Variants in MB21D2 observed in about 807,000 individuals in gnomAD.
The protein encoded by MB21D2 is Mab-21 domain containing 2.
Under a neutral mutation model 33.3 loss-of-function variants are expected in MB21D2, and 9 were observed. The ratio of observed to expected loss-of-function variants is 0.27; its 90% confidence interval spans 0.16 to 0.47. MB21D2 has a LOEUF of 0.47. Ranked by LOEUF, MB21D2 falls within the 20% of genes least tolerant of loss-of-function variation. The pLI, the probability that MB21D2 is intolerant of heterozygous loss-of-function variation, is 0.99. For missense variants in MB21D2, 540 were observed against 624.6 expected, an observed-to-expected ratio of 0.86 and a Z score of 1.44; for synonymous variants, 241 against 236.3, an observed-to-expected ratio of 1.02 and a Z score of -0.18.
intron 1 of MB21D2, among the ~76,000 whole-genome samples, chr3:192,886,815 A>G (rs543147747): frequency 1.8e-4 from 28 of 152,244 alleles, no homozygotes; most frequent in African/African-American, 6.3e-4. Context: ...CTTTTTACCT[A>G]AAATAACGAA....
At chr3:192,860,864 T>G (rs569897488) in intron 1 of MB21D2, among the ~76,000 whole-genome samples, 1 of 152,258 alleles carries the variant, frequency 6.6e-6, no homozygotes, top group African/African-American at 2.4e-5. Context: ...ATACCAATTC[T>G]GTGTATTTAC....
chr3:192,798,410 G>A lies in MB21D2; in HGVS notation c.1452C>T (p.Phe484=). 1 of 1,614,046 alleles carries A rather than the reference G, an allele frequency of 6.2e-7. No homozygotes were observed. The highest frequency in any genetic ancestry group is 8.5e-7 in the Non-Finnish European group (1 of 1,179,908). Residue 484 remains phenylalanine (F), a synonymous_variant, in exon 2 of 2, where the codon TTC becomes TTT. Transcript: ENST00000392452. The surrounding 1 kb of genome is among the most constrained non-coding windows in gnomAD (Gnocchi z 4.8). ...CTCAGAAAAATTTGTCATCAATTCT[G>A]AAATGGGGCCTTGTGACATCGTCAG... ...INPDDVTRPH[F]RIDDKFF
At chr3:192,813,623 T>C (rs1222546117) in intron 1 of MB21D2, among the ~76,000 whole-genome samples, 2 of 152,172 alleles carry the variant, frequency 1.3e-5, no homozygotes, top group African/African-American at 4.8e-5. Context: ...TCTAGAATTC[T>C]CATTGTAGGG....
intron 1 of MB21D2, among the ~76,000 whole-genome samples, chr3:192,826,459 C>G (rs921472439): frequency 6.6e-6 from 1 of 152,182 alleles, no homozygotes; most frequent in East Asian, 1.9e-4. Flanking sequence ...TGCCAGTTGT[C>G]TTGGGCTATT....
chr3:192,845,790 G>T (rs1209999341), intron 1 of MB21D2, among the ~76,000 whole-genome samples: 1 of 152,194 alleles, frequency 6.6e-6, no homozygotes, highest in African/African-American at 2.4e-5. Flanking sequence ...AGGGGCCAGT[G>T]GCTGGGGGCC....
At chr3:192,806,030 G>T (rs1197786612) in intron 1 of MB21D2, among the ~76,000 whole-genome samples, 1 of 152,254 alleles carries the variant, frequency 6.6e-6, no homozygotes, top group East Asian at 1.9e-4. Context: ...CAAGACTGCT[G>T]CTAGTCAAGG....
chr3:192,865,263 G>A (rs1178943642), intron 1 of MB21D2, among the ~76,000 whole-genome samples: 1 of 152,230 alleles, frequency 6.6e-6, no homozygotes, highest in Non-Finnish European at 1.5e-5. Flanking sequence ...GAGCTGATCA[G>A]CATGAATGAG....
At chr3:192,904,058 C>G (rs1376290392) in intron 1 of MB21D2, among the ~76,000 whole-genome samples, 1 of 152,190 alleles carries the variant, frequency 6.6e-6, no homozygotes, top group East Asian at 1.9e-4. Flanking sequence ...TTACAAGTAC[C>G]TTCCTCATAG....
In MB21D2 at chr3:192,880,838, T is replaced by C. The variant is rs193054083; in HGVS notation, c.211+36792A>G. ...AGTTATGTTACTGGGAATTTACTAA[T>C]ATGAATAAAATATAAACCAATAGGA... is the stretch of plus-strand genomic sequence containing the variant. On this transcript the variant is annotated intron_variant, in intron 1 of 1. Transcript: ENST00000392452. Among the ~76,000 whole-genome samples the C allele has an allele frequency of 2.6e-5, 4 of 152,280 alleles. No homozygotes were observed. In the East Asian group the frequency reaches 7.7e-4, roughly 29 times the overall value.
At chr3:192,892,936 T>C (rs554190067) in intron 1 of MB21D2, among the ~76,000 whole-genome samples, 5 of 152,322 alleles carry the variant, frequency 3.3e-5, no homozygotes, top group Non-Finnish European at 7.3e-5. Flanking sequence ...ACTTAGAACC[T>C]TGGCAAATGA....
At chr3:192,890,212 T>G (rs1030701951) in intron 1 of MB21D2, among the ~76,000 whole-genome samples, 8 of 152,120 alleles carry the variant, frequency 5.3e-5, no homozygotes, top group Non-Finnish European at 8.8e-5. Context: ...ATTTTTAGTA[T>G]ATAAAACTAG....
At chr3:192,890,953 C>G (rs117775862) in intron 1 of MB21D2, among the ~76,000 whole-genome samples, 1 of 152,084 alleles carries the variant, frequency 6.6e-6, no homozygotes, top group Non-Finnish European at 1.5e-5. Flanking sequence ...GAAATGATAG[C>G]AACATCTCCT....
At chr3:192,852,650 A>T (rs986994175) in intron 1 of MB21D2, among the ~76,000 whole-genome samples, 1 of 152,258 alleles carries the variant, frequency 6.6e-6, no homozygotes, top group Non-Finnish European at 1.5e-5. Flanking sequence ...GAAATGTTAA[A>T]TAATGAGAGC....
chr3:192,841,217 C>T (rs1457437161), intron 1 of MB21D2, among the ~76,000 whole-genome samples: 1 of 152,234 alleles, frequency 6.6e-6, no homozygotes, highest in Non-Finnish European at 1.5e-5. Flanking sequence ...CAGTGCCAGG[C>T]TAGCTGGCAA....
chr3:192,815,599 T>C (rs1166333261), intron 1 of MB21D2, among the ~76,000 whole-genome samples: 1 of 150,536 alleles, frequency 6.6e-6, no homozygotes, highest in African/African-American at 2.5e-5. Context: ...TTCTCTAAGA[T>C]CTTGAAGAGC....
At chr3:192,911,028 G>A (rs1714341278) in intron 1 of MB21D2, among the ~76,000 whole-genome samples, 2 of 152,192 alleles carry the variant, frequency 1.3e-5, no homozygotes, top group Non-Finnish European at 2.9e-5. Context: ...CTTAAAGTCT[G>A]AGTGACTTGC....
chr3:192,884,854 A>T (rs1713698174), intron 1 of MB21D2, among the ~76,000 whole-genome samples: 1 of 152,138 alleles, frequency 6.6e-6, no homozygotes, highest in African/African-American at 2.4e-5. Flanking sequence ...GAATACGTGG[A>T]CAAATCCATG....
intron 1 of MB21D2, among the ~76,000 whole-genome samples, chr3:192,837,509 C>T (rs9291033): frequency 0.54 from 81,597 of 151,854 alleles, 22,430 homozygotes; most frequent in East Asian, 0.76. Flanking sequence ...CGAGGCCCCT[C>T]GGCACAGAGG....
intron 1 of MB21D2, among the ~76,000 whole-genome samples, chr3:192,889,837 C>CT (rs1331177928): frequency 6.6e-6 from 1 of 152,012 alleles, no homozygotes; most frequent in Non-Finnish European, 1.5e-5. Flanking sequence ...GTCCAATGAC[C>CT]TCCAACAGAA....
Sources: gnomAD v4.1 joint callset for allele counts (sites outside exome capture counted in the v4.1 genomes callset) on GRCh38, gnomAD v4.1.1 for gene constraint, Gnocchi (gnomAD v3.1) non-coding constraint, MANE v1.5 for transcripts, NCBI Gene and HGNC (gene_info 2026-07-23, HGNC 2026-07-21) for gene names.